HIPK2: variants seen among roughly 807,000 people sequenced by gnomAD.
HIPK2 encodes homeodomain interacting protein kinase 2, also known as homeodomain-interacting protein kinase 2.
In HIPK2, 27 loss-of-function variants were observed where a neutral mutation model predicts 113.7. The observed-to-expected ratio is 0.24, with a 90% CI of 0.17 to 0.33. The LOEUF is 0.33. HIPK2 is among the 10% of genes least tolerant of loss of function. The pLI is 1.00. For missense variants in HIPK2, 1,257 were observed against 1,588.0 expected (o/e 0.79, Z 3.54); for synonymous variants, 631 against 642.2 (o/e 0.98, Z 0.26).
At chr7:139,753,039 C>A (rs780640489) in intron 1 of HIPK2, among the ~76,000 whole-genome samples, 4 of 152,204 alleles carry the variant, frequency 2.6e-5, no homozygotes, top group Non-Finnish European at 5.9e-5. Context: ...CACAGGTATG[C>A]CTCTGTCCCA....
At chr7:139,617,321 C>T (rs183795668) in intron 7 of HIPK2, among the ~76,000 whole-genome samples, 146 of 152,324 alleles carry the variant, frequency 9.6e-4, no homozygotes, top group African/African-American at 3.3e-3. Flanking sequence ...CCACTTCAGC[C>T]TTCCAAATAG....
intron 11 of HIPK2, among the ~76,000 whole-genome samples, chr7:139,598,939 TG>T (rs1799321019): frequency 6.6e-6 from 1 of 152,220 alleles, no homozygotes; most frequent in Admixed American, 6.5e-5. Flanking sequence ...GCCAATGATC[TG>T]AGATAAATTT....
At chr7:139,737,674 G>A (rs933041526) in intron 1 of HIPK2, among the ~76,000 whole-genome samples, 2 of 152,206 alleles carry the variant, frequency 1.3e-5, no homozygotes, top group East Asian at 3.8e-4. Flanking sequence ...GTCCTGGGCC[G>A]CATGAAGTGA....
At chr7:139,592,390 A>G (rs1466250225) in intron 12 of HIPK2, among the ~76,000 whole-genome samples, 1 of 152,184 alleles carries the variant, frequency 6.6e-6, no homozygotes, top group East Asian at 1.9e-4. Flanking sequence ...GAGCTGGACA[A>G]AATCATTTCT....
intron 9 of HIPK2, among the ~76,000 whole-genome samples, chr7:139,609,346 C>CCA (rs2116751131): frequency 6.6e-6 from 1 of 152,214 alleles, no homozygotes; most frequent in East Asian, 1.9e-4. Flanking sequence ...TCTGGGTGCC[C>CCA]CACAGAGGCC....
rs559886527 is a variant in HIPK2 at position 139,621,696 on chromosome 7, G to C, written c.1620-1133C>G. Among the ~76,000 whole-genome samples, 6 of 152,270 alleles carry C rather than the reference G, an allele frequency of 3.9e-5. No individual in the cohort carries two copies. In the East Asian group the frequency reaches 1.2e-3, roughly 29 times the overall value. On this transcript the variant is annotated intron_variant, in intron 6 of 14. Transcript: ENST00000406875. Reference sequence around the variant, plus strand: ...TAATCCCAGCACTTTGGGAGGTCAAGGTGGGTGGAGTCCAAGAGCTCAAGA... The same window carrying C: ...TAATCCCAGCACTTTGGGAGGTCAACGTGGGTGGAGTCCAAGAGCTCAAGA...
chr7:139,769,355 C>CATCTCCACGGCCGCAG (rs1554459780), intron 1 of HIPK2, among the ~76,000 whole-genome samples: 20 of 152,000 alleles, frequency 1.3e-4, no homozygotes, highest in Middle Eastern at 3.4e-3. Context: ...TGGCCCACCC[C>CATCTCCACGGCCGCAG]TGGCTGTCTG....
intron 6 of HIPK2, among the ~76,000 whole-genome samples, chr7:139,622,061 A>G (rs189954619): frequency 2.0e-5 from 3 of 152,364 alleles, no homozygotes; most frequent in Admixed American, 6.5e-5. Flanking sequence ...TTAGGATTAC[A>G]AACGTGTACT....
chr7:139,713,633 A>G (rs374695943), intron 2 of HIPK2, among the ~76,000 whole-genome samples: 3 of 152,258 alleles, frequency 2.0e-5, no homozygotes, highest in Non-Finnish European at 2.9e-5. Flanking sequence ...GTGAATGTTA[A>G]TAACACTGGT....
At chr7:139,764,222 CATT>C (rs1796516693) in intron 1 of HIPK2, among the ~76,000 whole-genome samples, 1 of 152,224 alleles carries the variant, frequency 6.6e-6, no homozygotes, top group South Asian at 2.1e-4. Flanking sequence ...CAACATACAA[CATT>C]ATTACACCAA....
At chr7:139,598,873 A>C (rs1233840899) in intron 11 of HIPK2, among the ~76,000 whole-genome samples, 2 of 151,908 alleles carry the variant, frequency 1.3e-5, no homozygotes. Flanking sequence ...ACCCAGTCTA[A>C]TAATGACATG....
At chr7:139,718,866 A>G (rs1000629883) in intron 1 of HIPK2, among the ~76,000 whole-genome samples, 22 of 151,986 alleles carry the variant, frequency 1.4e-4, no homozygotes, top group African/African-American at 5.1e-4. Flanking sequence ...TCAATGGTTT[A>G]TGCTCCCTTT....
At chr7:139,679,469 G>C (rs961690484) in intron 2 of HIPK2, among the ~76,000 whole-genome samples, 4 of 152,198 alleles carry the variant, frequency 2.6e-5, no homozygotes, top group Admixed American at 2.0e-4. Context: ...TGTAAATGGG[G>C]TTAGGAATTG....
intron 1 of HIPK2, among the ~76,000 whole-genome samples, chr7:139,754,364 T>C (rs1179059531): frequency 6.6e-6 from 1 of 152,174 alleles, no homozygotes; most frequent in Non-Finnish European, 1.5e-5. Flanking sequence ...CTGAGGGCCA[T>C]CAAGACCACT....
At chr7:139,583,359 CGAG>C (rs1262883015) in intron 13 of HIPK2, among the ~76,000 whole-genome samples, 1 of 152,122 alleles carries the variant, frequency 6.6e-6, no homozygotes, top group African/African-American at 2.4e-5. Context: ...CAGCTGATTC[CGAG>C]GAGGGGCTGA....
intron 1 of HIPK2, among the ~76,000 whole-genome samples, chr7:139,739,505 T>C (rs1377986670): frequency 6.6e-6 from 1 of 151,832 alleles, no homozygotes; most frequent in Non-Finnish European, 1.5e-5. Flanking sequence ...GAGAATTGCT[T>C]GAACCCTGGA....
intron 1 of HIPK2, among the ~76,000 whole-genome samples, chr7:139,758,487 G>A (rs886142502): frequency 6.6e-6 from 1 of 151,828 alleles, no homozygotes; most frequent in Non-Finnish European, 1.5e-5. Flanking sequence ...TCCCCACCCC[G>A]CCCTGGCCCG....
At chr7:139,674,000 G>A (rs1802404593) in intron 2 of HIPK2, among the ~76,000 whole-genome samples, 1 of 151,312 alleles carries the variant, frequency 6.6e-6, no homozygotes, top group South Asian at 2.1e-4. Flanking sequence ...GAGCTGAGGA[G>A]GCAGAGGTTG....
chr7:139,719,868 A>G (rs1795356240), intron 1 of HIPK2, among the ~76,000 whole-genome samples: 1 of 152,170 alleles, frequency 6.6e-6, no homozygotes, highest in Non-Finnish European at 1.5e-5. Flanking sequence ...TAGACATCTC[A>G]TCTACCTGAG....
Sources: gnomAD v4.1 joint callset for allele counts (sites outside exome capture counted in the v4.1 genomes callset) on GRCh38, gnomAD v4.1.1 for gene constraint, MANE v1.5 for transcripts, NCBI Gene and HGNC (gene_info 2026-07-23, HGNC 2026-07-21) for gene names.